FMN2: variants seen among roughly 807,000 people sequenced by gnomAD.
FMN2 encodes formin-2.
A neutral mutation model predicts 142.3 loss-of-function variants in FMN2; 51 were observed. The observed-to-expected ratio is 0.36, with a 90% CI of 0.29 to 0.45. The LOEUF is 0.45. Among genes scored for constraint, FMN2 ranks in the 20% least tolerant of loss-of-function variants. The pLI is 1.00. For missense variants in FMN2, 1,936 were observed against 2,122.8 expected (o/e 0.91, Z 1.73); for synonymous variants, 882 against 869.8 (o/e 1.01, Z -0.25).
At chr1:240,356,876 T>C (rs1043803394) in intron 14 of FMN2, among the ~76,000 whole-genome samples, 1 of 152,240 alleles carries the variant, frequency 6.6e-6, no homozygotes, top group Non-Finnish European at 1.5e-5. Context: ...GAAAATACTA[T>C]TTAATCATTT....
intron 16 of FMN2, 109 bp from the exon 17 acceptor site, chr1:240,472,263 C>T: frequency 2.7e-6 from 2 of 753,900 alleles, no homozygotes; most frequent in Non-Finnish European, 4.6e-6. Flanking sequence ...GTATTATTTT[C>T]TGCAGTAATT....
At chr1:240,379,690 T>C (rs998620111) in intron 14 of FMN2, among the ~76,000 whole-genome samples, 9 of 152,154 alleles carry the variant, frequency 5.9e-5, no homozygotes, top group African/African-American at 2.2e-4. Context: ...ATTAAATACA[T>C]TTTTCTAGTT....
At chr1:240,416,261 T>TC (rs1558479913) in intron 15 of FMN2, among the ~76,000 whole-genome samples, 2 of 67,320 alleles carry the variant, frequency 3.0e-5, no homozygotes, top group African/African-American at 8.8e-5. Flanking sequence ...CCCTTTCCAC[T>TC]CTTTTTTTTT....
At chr1:240,228,870 A>G (rs895966416) in intron 6 of FMN2, among the ~76,000 whole-genome samples, 1 of 152,178 alleles carries the variant, frequency 6.6e-6, no homozygotes, top group South Asian at 2.1e-4. Flanking sequence ...TATAGGCAAG[A>G]GTTCATTAAT....
chr1:240,107,132 T>C (rs1661644988), intron 1 of FMN2, among the ~76,000 whole-genome samples: 1 of 151,936 alleles, frequency 6.6e-6, no homozygotes, highest in Admixed American at 6.6e-5. Flanking sequence ...GCAGTTTGTA[T>C]GATTCAAGTC....
At chr1:240,257,867 T>C (rs1209620025) in intron 6 of FMN2, 78 bp from the exon 7 acceptor site, 2 of 1,177,414 alleles carry the variant, frequency 1.7e-6, no homozygotes, top group Non-Finnish European at 2.5e-6. Flanking sequence ...TGTTCTTCAT[T>C]TAGGATTTTT....
chr1:240,262,670 A>G (rs892867510), intron 7 of FMN2, among the ~76,000 whole-genome samples: 14 of 152,164 alleles, frequency 9.2e-5, no homozygotes, highest in African/African-American at 3.1e-4. Context: ...TCACGGTTAG[A>G]TAGAAATACT....
Position 240,369,858 on chromosome 1 carries a change from T to A in FMN2, c.4858+13950T>A, listed in dbSNP as rs369772568. ...ACTATTTTAAAATAAATCCTTGCCT[T>A]GCATGTTAGGATCACACATTGGGCG... On this transcript the variant is annotated intron_variant, in intron 14 of 17. Coordinates refer to ENST00000319653, the MANE Select transcript of FMN2 (RefSeq NM_020066.5). 8.4e-4 allele frequency among the ~76,000 whole-genome samples: 128 copies of A among 152,302 alleles called. No homozygotes were observed. In the South Asian group the frequency reaches 0.02, roughly 23 times the overall value.
intron 7 of FMN2, among the ~76,000 whole-genome samples, chr1:240,285,424 G>A (rs1165533373): frequency 6.6e-6 from 1 of 152,040 alleles, no homozygotes; most frequent in Non-Finnish European, 1.5e-5. Context: ...TAAGTGAGGA[G>A]TTCAGGAAGG....
chr1:240,245,438 T>TG, intron 6 of FMN2: 1 of 457,476 alleles, frequency 2.2e-6, no homozygotes, highest in Non-Finnish European at 4.5e-6. Context: ...CAGTGGAACT[T>TG]GATGTGTGGC....
chr1:240,136,622 T>C (rs2103243931), intron 2 of FMN2, among the ~76,000 whole-genome samples: 1 of 152,318 alleles, frequency 6.6e-6, no homozygotes, highest in African/African-American at 2.4e-5. Context: ...TATGATGGAC[T>C]TTTATTAAAA....
At chr1:240,446,040 C>T (rs1262365721) in intron 16 of FMN2, among the ~76,000 whole-genome samples, 3 of 151,980 alleles carry the variant, frequency 2.0e-5, no homozygotes, top group Non-Finnish European at 4.4e-5. Context: ...TGCTAGAGAT[C>T]AAGAAAACAA....
At chr1:240,438,837 G>A (rs1015023704) in intron 16 of FMN2, among the ~76,000 whole-genome samples, 1 of 152,190 alleles carries the variant, frequency 6.6e-6, no homozygotes, top group Admixed American at 6.5e-5. Context: ...AGCCCTCCCA[G>A]GGCGCCATCC....
intron 15 of FMN2, among the ~76,000 whole-genome samples, chr1:240,415,877 A>C (rs12072270): frequency 0.014 from 2,123 of 152,190 alleles, 54 homozygotes; most frequent in African/African-American, 0.049. Flanking sequence ...AGAATACAAC[A>C]ATGTTAGATA....
chr1:240,113,426 T>C (rs1038765039), intron 1 of FMN2, among the ~76,000 whole-genome samples: 11 of 151,678 alleles, frequency 7.3e-5, no homozygotes, highest in South Asian at 4.2e-4. Context: ...TGGCCAGGCA[T>C]AGTGGCACAC....
In FMN2 at chr1:240,145,344, C is replaced by T. The variant is rs574433181; in HGVS notation, c.1782+21999C>T. The T allele has an allele frequency of 5.8e-5, 51 of 883,054 alleles. No homozygotes were observed. The East Asian group carries it at 1.3e-3, about 23-fold the overall frequency. 54.7% of individuals were successfully genotyped at this position (883,054 alleles called of 1,614,324 possible). ...GCCGCTGGGGGCTGCTGGGACTGCA[C>T]CAGCGTCTTGTCCCATCCTCCCTCC... On this transcript the variant is annotated intron_variant, in intron 2 of 17. Transcript: ENST00000319653.
chr1:240,261,175 T>C (rs896035366), intron 7 of FMN2, among the ~76,000 whole-genome samples: 7 of 152,188 alleles, frequency 4.6e-5, no homozygotes, highest in African/African-American at 1.4e-4. Flanking sequence ...TAGTTTGAAG[T>C]CAGATAATGT....
intron 2 of FMN2, among the ~76,000 whole-genome samples, chr1:240,154,154 C>T (rs140989387): frequency 2.1e-3 from 306 of 146,200 alleles, no homozygotes; most frequent in African/African-American, 7.4e-3. Context: ...ACAAGGCCTA[C>T]CCAGTTAAGA....
At chr1:240,347,694 C>T (rs1671954567) in intron 13 of FMN2, among the ~76,000 whole-genome samples, 1 of 152,116 alleles carries the variant, frequency 6.6e-6, no homozygotes, top group South Asian at 2.1e-4. Context: ...CCCCCTCTGT[C>T]TCTCCCCACT....
Sources: allele counts gnomAD v4.1 joint callset (sites outside exome capture counted in the v4.1 genomes callset), GRCh38; gene constraint gnomAD v4.1.1; transcripts MANE v1.5; gene names NCBI Gene and HGNC (gene_info 2026-07-23, HGNC 2026-07-21).